The following ADAMTS12 variants were observed in gnomAD, a reference collection of about 807,000 sequenced individuals.
ADAMTS12 encodes ADAM metallopeptidase with thrombospondin type 1 motif 12.
A neutral mutation model predicts 167.8 loss-of-function variants in ADAMTS12; 118 were observed. The ratio of observed to expected loss-of-function variants is 0.70; its 90% CI spans 0.61 to 0.82. The LOEUF is 0.82. ADAMTS12 is among the 40% of genes least tolerant of loss of function. The pLI is 0.00. For missense variants in ADAMTS12, 1,916 were observed against 1,998.8 expected, an observed-to-expected ratio of 0.96 and a Z score of 0.79; for synonymous variants, 704 against 716.9, an observed-to-expected ratio of 0.98 and a Z score of 0.29.
intron 2 of ADAMTS12, among the ~76,000 whole-genome samples, chr5:33,758,831 A>G (rs1216485206): frequency 6.6e-6 from 1 of 152,196 alleles, no homozygotes. Context: ...AAGGCACTAT[A>G]TATGTCAGTT....
At chr5:33,620,760 C>CTTTTTCTTAA (rs1213162123) in intron 14 of ADAMTS12, among the ~76,000 whole-genome samples, 3 of 151,970 alleles carry the variant, frequency 2.0e-5, no homozygotes, top group Non-Finnish European at 2.9e-5. Flanking sequence ...CATGGCATAC[C>CTTTTTCTTAA]TTTTTCTTAA....
At chr5:33,751,097 T>TA (rs940207993) in intron 3 of ADAMTS12, 13 of 451,698 alleles carry the variant, frequency 2.9e-5, no homozygotes, top group South Asian at 1.5e-4. Context: ...AAGAGTTTTT[T>TA]AAAAAAAATT....
intron 2 of ADAMTS12, among the ~76,000 whole-genome samples, chr5:33,832,601 C>T (rs1395704702): frequency 1.3e-5 from 2 of 152,200 alleles, no homozygotes; most frequent in African/African-American, 4.8e-5. Flanking sequence ...TGTACAATTT[C>T]TACCATCTGG....
chr5:33,870,357 G>A (rs1749993261), intron 2 of ADAMTS12, among the ~76,000 whole-genome samples: 1 of 152,186 alleles, frequency 6.6e-6, no homozygotes, highest in African/African-American at 2.4e-5. Context: ...CACAATTTAT[G>A]TTCAGAGATT....
chr5:33,618,680 A>G (rs1262407116), intron 14 of ADAMTS12, among the ~76,000 whole-genome samples: 3 of 151,924 alleles, frequency 2.0e-5, no homozygotes, highest in Non-Finnish European at 4.4e-5. Context: ...GTGTCTAGCA[A>G]CTCTTGAATT....
chr5:33,870,483 T>C (rs1184169722), intron 2 of ADAMTS12, among the ~76,000 whole-genome samples: 1 of 152,242 alleles, frequency 6.6e-6, no homozygotes. Context: ...CAGGTCCCTC[T>C]GTTTGGGGTC....
intron 5 of ADAMTS12, among the ~76,000 whole-genome samples, chr5:33,681,085 T>C (rs1169865054): frequency 6.6e-6 from 1 of 152,232 alleles, no homozygotes; most frequent in African/African-American, 2.4e-5. Context: ...GATATATAGG[T>C]TTCATGTTGC....
At chr5:33,839,792 C>T (rs752457509) in intron 2 of ADAMTS12, among the ~76,000 whole-genome samples, 5 of 152,140 alleles carry the variant, frequency 3.3e-5, no homozygotes, top group Non-Finnish European at 5.9e-5. Context: ...AAACATTAGC[C>T]CTGCTTCTCC....
chr5:33,729,327 T>A (rs1744094741), intron 3 of ADAMTS12, among the ~76,000 whole-genome samples: 1 of 152,182 alleles, frequency 6.6e-6, no homozygotes, highest in African/African-American at 2.4e-5. Flanking sequence ...ATTTGATTGG[T>A]TACAGGTATA....
chr5:33,693,904 T>C (rs762233026), intron 3 of ADAMTS12, among the ~76,000 whole-genome samples: 11 of 152,314 alleles, frequency 7.2e-5, no homozygotes, highest in Middle Eastern at 3.4e-3. Context: ...ATGATATGAT[T>C]CTATACCTAG....
chr5:33,866,136 G>A (rs4866395), intron 2 of ADAMTS12, among the ~76,000 whole-genome samples: 52,764 of 151,828 alleles, frequency 0.35, 9,458 homozygotes, highest in African/African-American at 0.44. Flanking sequence ...CAAAGAAAGA[G>A]CCTGAATATC....
intron 18 of ADAMTS12, among the ~76,000 whole-genome samples, chr5:33,588,307 G>C (rs1213508896): frequency 6.6e-6 from 1 of 152,156 alleles, no homozygotes; most frequent in East Asian, 1.9e-4. Flanking sequence ...CAATGGGCCT[G>C]GCCAAGCTTC....
chr5:33,610,892 C>A (rs1312437683), intron 16 of ADAMTS12, among the ~76,000 whole-genome samples: 1 of 152,048 alleles, frequency 6.6e-6, no homozygotes, highest in Admixed American at 6.6e-5. Flanking sequence ...CATGGTGAAA[C>A]CCTGTCTCTA....
At chr5:33,800,383 G>A (rs1234389042) in intron 2 of ADAMTS12, among the ~76,000 whole-genome samples, 1 of 152,096 alleles carries the variant, frequency 6.6e-6, no homozygotes, top group Non-Finnish European at 1.5e-5. Flanking sequence ...ATGAGCTGAG[G>A]GGAACACTCA....
chr5:33,572,333 G>A (rs1263286007), intron 19 of ADAMTS12, among the ~76,000 whole-genome samples: 4 of 152,118 alleles, frequency 2.6e-5, no homozygotes, highest in Admixed American at 2.0e-4. Context: ...GATGAACATT[G>A]ATGCAAAAAT....
intron 3 of ADAMTS12, among the ~76,000 whole-genome samples, chr5:33,743,524 G>A (rs1744672352): frequency 6.6e-6 from 1 of 152,148 alleles, no homozygotes; most frequent in Non-Finnish European, 1.5e-5. Flanking sequence ...AAACACACCT[G>A]CTCCTCTCTA....
intron 2 of ADAMTS12, among the ~76,000 whole-genome samples, chr5:33,772,809 C>G (rs1745794345): frequency 6.6e-6 from 1 of 152,194 alleles, no homozygotes; most frequent in Non-Finnish European, 1.5e-5. Context: ...ATAAGCACAC[C>G]ACGTGTGATG....
intron 20 of ADAMTS12, among the ~76,000 whole-genome samples, chr5:33,558,017 G>C (rs1283576319): frequency 6.6e-6 from 1 of 151,882 alleles, no homozygotes; most frequent in Non-Finnish European, 1.5e-5. Context: ...TCTAGTTGCA[G>C]GAAAACAAGC....
intron 2 of ADAMTS12, among the ~76,000 whole-genome samples, chr5:33,864,068 A>G: frequency 6.6e-6 from 1 of 152,254 alleles, no homozygotes; most frequent in East Asian, 1.9e-4. Flanking sequence ...GATGGATTAA[A>G]GACTTCAATG....
Sources: allele counts gnomAD v4.1 joint callset (sites outside exome capture counted in the v4.1 genomes callset), GRCh38; gene constraint gnomAD v4.1.1; transcripts MANE v1.5; gene names NCBI Gene and HGNC (gene_info 2026-07-23, HGNC 2026-07-21).